Variants in CCDC66 observed in about 807,000 individuals in gnomAD.
CCDC66 encodes coiled-coil domain-containing protein 66.
A neutral mutation model predicts 128.3 loss-of-function variants in CCDC66; 133 were observed. That is an observed-to-expected ratio of 1.04 (90% confidence interval 0.90 to 1.20). CCDC66 has a LOEUF of 1.20. CCDC66 is among the 50% of genes most tolerant of loss of function. The pLI, the probability that CCDC66 is intolerant of heterozygous loss-of-function variation, is 0.00. For synonymous variants in CCDC66, 387 were observed against 357.0 expected (o/e 1.08, Z -0.95); for missense variants, 1,126 against 1,075.5 (o/e 1.05, Z -0.66).
chr3:56,615,352 A>C (rs1373922139), intron 12 of CCDC66, 80 bp downstream of exon 12: 1 of 1,389,416 alleles, frequency 7.2e-7, no homozygotes, highest in Non-Finnish European at 9.8e-7. Context: ...TTGTTTGGAG[A>C]CAAGGACTCA....
Position 56,615,974 on chromosome 3 carries a change from T to C in CCDC66, c.1764T>C (p.His588=), listed in dbSNP as rs1480466178. The C allele has an allele frequency of 1.9e-6, 3 of 1,599,134 alleles. No individual in the cohort carries two copies. The highest frequency in any genetic ancestry group is 1.3e-5 in the African/African-American group (1 of 74,382). The part of the protein sequence containing the change: ...YNASNISNSR[H]DSDEISGKMN... ...CATCTAACATTTCAAATTCAAGACATGATTCTGATGAAATCAGTGGTAAAA... is the reference window on the plus strand; with the variant it reads ...CATCTAACATTTCAAATTCAAGACACGATTCTGATGAAATCAGTGGTAAAA... The change falls in exon 13 of 18, where the codon CAT becomes CAC. Residue 588 remains histidine, a synonymous_variant. Coordinates refer to ENST00000394672, the MANE Select transcript of CCDC66 (RefSeq NM_001141947.3).
In CCDC66 at chr3:56,557,249, T is replaced by C. The variant is rs1252450581; in HGVS notation, c.7T>C (p.Leu3=). MN[L]GDGLKLETEL... ...GAGAGTGCGAGGTCAGGCCATGAAC[T>C]TGGGGTAAGCAGGGGTAAGCTGGGG... The change falls in exon 1 of 18, where the codon TTG becomes CTG. Residue 3 remains leucine, a synonymous_variant. Transcript: ENST00000394672. 1 of 756,310 alleles carries C rather than the reference T, an allele frequency of 1.3e-6. No individual in the cohort carries two copies. Among genetic ancestry groups the C allele is most frequent in the Non-Finnish European group, 2.0e-6 (1 of 498,530 alleles). The allele number at this position is 756,310 out of a possible 1,614,324, so 46.8% of individuals were successfully genotyped here. A position where few individuals can be genotyped will look rare whatever the true frequency, so the allele number is the denominator to read the frequency against.
intron 15 of CCDC66, 124 bp from the exon 16 acceptor site, chr3:56,619,147 T>A (rs2075980825): frequency 7.9e-6 from 6 of 756,952 alleles, no homozygotes; most frequent in Admixed American, 3.2e-5. Flanking sequence ...TGAGCTGAGA[T>A]CGCGCCACTG....
intron 2 of CCDC66, 28 bp downstream of exon 2, chr3:56,558,938 G>A: frequency 6.8e-7 from 1 of 1,460,938 alleles, no homozygotes; most frequent in Non-Finnish European, 9.3e-7. Context: ...AATCTGAAAT[G>A]TTAACTTTTA....
rs189073053 is a variant in CCDC66 at position 56,616,325 on chromosome 3, A to C, written c.1843+272A>C. 1.2e-3 allele frequency: 357 copies of C among 291,250 alleles called. 15 individuals carry two copies. In the Admixed American group the frequency reaches 0.02, roughly 16 times the overall value. 18.0% of individuals were successfully genotyped at this position (291,250 alleles called of 1,614,324 possible). A position where few individuals can be genotyped will look rare whatever the true frequency, so the allele number is the denominator to read the frequency against. On this transcript the variant is annotated intron_variant, in intron 13 of 17. Coordinates refer to ENST00000394672, the MANE Select transcript of CCDC66 (RefSeq NM_001141947.3). ...TCACTCTAGAAACACTGTACCCATT[A>C]CTTGCCACTTTCTATTTCTCTTTTC...
At chr3:56,611,538 A>C (rs2074816755) in intron 10 of CCDC66, among the ~76,000 whole-genome samples, 2 of 150,668 alleles carry the variant, frequency 1.3e-5, no homozygotes, top group Non-Finnish European at 3.0e-5. Flanking sequence ...CCACCTGTGG[A>C]GTCTGCAAGC....
At chr3:56,588,570 A>G (rs1395768534) in intron 7 of CCDC66, among the ~76,000 whole-genome samples, 3 of 152,220 alleles carry the variant, frequency 2.0e-5, no homozygotes, top group South Asian at 4.1e-4. Flanking sequence ...ACTTATCGCA[A>G]TGATAGCACC....
Position 56,619,859 on chromosome 3 carries a change from T to C in CCDC66, c.2718T>C (p.Asp906=). The C allele has an allele frequency of 6.2e-7, 1 of 1,614,110 alleles. No individual in the cohort carries two copies. Among genetic ancestry groups the C allele is most frequent in the Non-Finnish European group, 8.5e-7 (1 of 1,179,988 alleles). ...ATCCTAACATGGTGAAAAATAGGGA[T>C]CGACAGCAAGCAATCCTTAAGGGAC... is the stretch of plus-strand genomic sequence containing the variant. ...LLNPNMVKNR[D]RQQAILKGLS... is the part of the protein sequence containing the mutation. Residue 906 remains aspartate, a synonymous_variant, in exon 17 of 18, where the codon GAT becomes GAC. Coordinates refer to ENST00000394672, the MANE Select transcript of CCDC66 (RefSeq NM_001141947.3).
intron 7 of CCDC66, among the ~76,000 whole-genome samples, chr3:56,577,135 T>A (rs991755434): frequency 2.6e-5 from 4 of 151,948 alleles, no homozygotes; most frequent in Admixed American, 2.0e-4. Context: ...AGATGGTATC[T>A]CATTGTGGTT....
At chr3:56,571,521 A>G (rs34171578) in intron 7 of CCDC66, 13,114 of 350,038 alleles carry the variant, frequency 0.037, 316 homozygotes, top group South Asian at 0.062. Context: ...AGCTAGGACT[A>G]CAGGTACTCA....
chr3:56,621,086 C>T (rs939442821), intron 17 of CCDC66: 1 of 151,890 alleles, frequency 6.6e-6, no homozygotes, highest in Non-Finnish European at 1.5e-5. Flanking sequence ...ATGGTGTGAA[C>T]CTGGGAGGCA....
intron 7 of CCDC66, among the ~76,000 whole-genome samples, chr3:56,591,302 A>G (rs1181712812): frequency 6.6e-6 from 1 of 152,216 alleles, no homozygotes; most frequent in Non-Finnish European, 1.5e-5. Context: ...TTTAAGGGTA[A>G]TTTTAACTTT....
intron 1 of CCDC66, 135 bp from the exon 2 acceptor site, chr3:56,558,711 C>A (rs1203827960): frequency 2.8e-6 from 2 of 709,426 alleles, no homozygotes; most frequent in Non-Finnish European, 5.0e-6. Context: ...AATTAAAACA[C>A]TGGTTCGATG....
intron 11 of CCDC66, 98 bp from the exon 12 acceptor site, chr3:56,615,030 T>C: frequency 1.6e-6 from 2 of 1,264,476 alleles, no homozygotes; most frequent in Non-Finnish European, 2.2e-6. Flanking sequence ...AACAAGTGCC[T>C]GATACATAGG....
At chr3:56,568,828 G>T (rs972966071) in intron 6 of CCDC66, among the ~76,000 whole-genome samples, 1 of 152,118 alleles carries the variant, frequency 6.6e-6, no homozygotes, top group South Asian at 2.1e-4. Context: ...TATAATTTCT[G>T]TTAGAGTCTT....
chr3:56,612,667 C>T lies in CCDC66; in HGVS notation c.1405-922C>T, dbSNP rs557639506. On this transcript the variant is annotated intron_variant, in intron 10 of 17. Coordinates refer to ENST00000394672, the MANE Select transcript of CCDC66 (RefSeq NM_001141947.3). ...TGTTGGCGGTGGCTATAATGGGCTG[C>T]GTGGGCCAGTCCCCAGACTTGCAGG... Among the ~76,000 whole-genome samples the T allele has an allele frequency of 2.9e-3, 448 of 152,188 alleles. 6 individuals are homozygous for T. Among genetic ancestry groups the T allele is most frequent in the African/African-American group, 0.01 (421 of 41,518 alleles).
chr3:56,609,566 C>T (rs567308210), intron 10 of CCDC66, among the ~76,000 whole-genome samples: 8 of 152,334 alleles, frequency 5.3e-5, no homozygotes, highest in African/African-American at 1.7e-4. Flanking sequence ...AGGCCATTTA[C>T]ATTCAATGTT....
Position 56,597,846 on chromosome 3 carries a change from C to T in CCDC66, c.1404+3818C>T, listed in dbSNP as rs1460601548. On this transcript the variant is annotated intron_variant, in intron 10 of 17. Coordinates refer to ENST00000394672, the MANE Select transcript of CCDC66 (RefSeq NM_001141947.3). ...CTGGAGTGCAGTGGCGCGATCTCAT[C>T]CCACTGCAACCTCTGCCTCACAGGT... 6.8e-5 allele frequency among the ~76,000 whole-genome samples: 9 copies of T among 132,656 alleles called. No homozygotes were observed. In the Admixed American group the frequency reaches 8.2e-4, roughly 12 times the overall value. The allele number at this position is 132,656 out of a possible 152,430, so 87.0% of individuals were successfully genotyped here.
At chr3:56,564,268 G>A (rs1577245657) in intron 4 of CCDC66, 143 bp downstream of exon 4, 2 of 613,548 alleles carry the variant, frequency 3.3e-6, no homozygotes, top group East Asian at 2.8e-5. Flanking sequence ...TCTTTTAGAG[G>A]ACTTTCTCTA....
Sources: allele counts gnomAD v4.1 joint callset (sites outside exome capture counted in the v4.1 genomes callset), GRCh38; gene constraint gnomAD v4.1.1; transcripts MANE v1.5; gene names NCBI Gene and HGNC (gene_info 2026-07-23, HGNC 2026-07-21).